Variants in PRKG1 observed in about 807,000 individuals in gnomAD.
The protein encoded by PRKG1 is cGMP-dependent protein kinase 1.
PRKG1 carries 35 observed loss-of-function variants against 88.1 expected under a neutral mutation model. That is an observed-to-expected ratio of 0.40 (90% CI 0.30 to 0.53). PRKG1 has a LOEUF of 0.53. Among genes scored for constraint, PRKG1 ranks in the 20% least tolerant of loss-of-function variants. The pLI is 0.59. For missense variants in PRKG1, 540 were observed against 839.8 expected (o/e 0.64, Z 4.41); for synonymous variants, 303 against 292.5 (o/e 1.04, Z -0.37).
At chr10:51,847,472 A>G (rs1840429174) in intron 4 of PRKG1, among the ~76,000 whole-genome samples, 2 of 152,098 alleles carry the variant, frequency 1.3e-5, no homozygotes, top group East Asian at 1.9e-4. Flanking sequence ...ATGACTTACT[A>G]AAATCTAAAA....
intron 3 of PRKG1, among the ~76,000 whole-genome samples, chr10:51,512,263 A>G (rs1259542256): frequency 6.9e-6 from 1 of 144,972 alleles, no homozygotes; most frequent in Non-Finnish European, 1.5e-5. Flanking sequence ...TTACATATGT[A>G]TACATGTGCC....
chr10:51,260,746 T>G (rs2132158597), intron 2 of PRKG1, among the ~76,000 whole-genome samples: 1 of 152,366 alleles, frequency 6.6e-6, no homozygotes, highest in South Asian at 2.1e-4. Flanking sequence ...GATGTGATTA[T>G]ACTTATCTGT....
At chr10:51,529,608 A>C (rs1191994107) in intron 3 of PRKG1, among the ~76,000 whole-genome samples, 3 of 152,082 alleles carry the variant, frequency 2.0e-5, no homozygotes, top group Non-Finnish European at 4.4e-5. Flanking sequence ...CATTCCACTT[A>C]GCACTCAGGT....
chr10:51,262,071 A>G (rs1396586633), intron 2 of PRKG1, among the ~76,000 whole-genome samples: 2 of 151,642 alleles, frequency 1.3e-5, no homozygotes, highest in Non-Finnish European at 2.9e-5. Flanking sequence ...TGTTTTTAGT[A>G]GAGACGGGGT....
intron 3 of PRKG1, among the ~76,000 whole-genome samples, chr10:51,503,156 C>G (rs1841082475): frequency 6.6e-6 from 1 of 152,130 alleles, no homozygotes; most frequent in South Asian, 2.1e-4. Context: ...CTGTAATATG[C>G]TCAGCACTTT....
intron 2 of PRKG1, among the ~76,000 whole-genome samples, chr10:51,213,839 A>G (rs143704430): frequency 6.6e-6 from 1 of 152,196 alleles, no homozygotes; most frequent in Non-Finnish European, 1.5e-5. Context: ...CTGAAAGAAT[A>G]TGTTACAGAA....
intron 9 of PRKG1, among the ~76,000 whole-genome samples, chr10:52,200,106 A>T (rs1023381497): frequency 6.6e-6 from 1 of 151,958 alleles, no homozygotes; most frequent in Non-Finnish European, 1.5e-5. Flanking sequence ...CAAGTTTGTT[A>T]TGTAGGTAAA....
chr10:52,288,879 ACAT>A (rs763958645), intron 15 of PRKG1, 31 bp downstream of exon 15: 2 of 1,592,496 alleles, frequency 1.3e-6, no homozygotes, highest in African/African-American at 2.7e-5. Flanking sequence ...ATTTTTGAAA[ACAT>A]CATAATGTGA....
chr10:51,493,486 A>G (rs1840764003), intron 3 of PRKG1, among the ~76,000 whole-genome samples: 2 of 152,150 alleles, frequency 1.3e-5, no homozygotes, highest in African/African-American at 4.8e-5. Context: ...TTGCCAGAAA[A>G]TATTTTTTAG....
intron 1 of PRKG1, among the ~76,000 whole-genome samples, chr10:51,024,215 A>G (rs755133286): frequency 3.3e-5 from 5 of 152,132 alleles, no homozygotes; most frequent in Non-Finnish European, 5.9e-5. Context: ...TACTTACAAT[A>G]ATTTCTGTTT....
intron 8 of PRKG1, among the ~76,000 whole-genome samples, chr10:52,153,412 A>G (rs1435557824): frequency 6.6e-6 from 1 of 152,236 alleles, no homozygotes; most frequent in African/African-American, 2.4e-5. Context: ...ATACTTGTCT[A>G]CCATCATAAC....
intron 5 of PRKG1, among the ~76,000 whole-genome samples, chr10:51,955,637 A>G (rs1843285530): frequency 6.6e-6 from 1 of 152,126 alleles, no homozygotes; most frequent in Non-Finnish European, 1.5e-5. Context: ...TAGATTTAAA[A>G]ATGTCTTTAT....
intron 5 of PRKG1, among the ~76,000 whole-genome samples, chr10:51,980,905 A>G (rs1843991204): frequency 6.6e-6 from 1 of 152,188 alleles, no homozygotes; most frequent in African/African-American, 2.4e-5. Context: ...TCTTGAAGAC[A>G]GCATACCAAT....
intron 3 of PRKG1, among the ~76,000 whole-genome samples, chr10:51,489,822 T>C (rs1840658976): frequency 6.6e-6 from 1 of 152,106 alleles, no homozygotes; most frequent in African/African-American, 2.4e-5. Flanking sequence ...GGACATGAAC[T>C]GAAGAGCTGT....
At chr10:51,266,354 A>G (rs560565160) in intron 2 of PRKG1, among the ~76,000 whole-genome samples, 3 of 152,320 alleles carry the variant, frequency 2.0e-5, no homozygotes, top group South Asian at 2.1e-4. Flanking sequence ...AAAAAAGGCT[A>G]GGTAAGTAGC....
intron 1 of PRKG1, among the ~76,000 whole-genome samples, chr10:51,149,362 A>G (rs1343379282): frequency 6.6e-6 from 1 of 152,152 alleles, no homozygotes; most frequent in East Asian, 1.9e-4. Flanking sequence ...AACAGTGAAT[A>G]GTGCTGGCTC....
chr10:51,094,647 C>T (rs1280571985), intron 1 of PRKG1, among the ~76,000 whole-genome samples: 2 of 151,806 alleles, frequency 1.3e-5, no homozygotes, highest in African/African-American at 4.8e-5. Context: ...CATAAAAAAA[C>T]GTATCTACAT....
At chr10:51,948,174 C>A (rs1009763474) in intron 5 of PRKG1, among the ~76,000 whole-genome samples, 1 of 151,832 alleles carries the variant, frequency 6.6e-6, no homozygotes, top group South Asian at 2.1e-4. Flanking sequence ...GCTAGTTCAC[C>A]ATGATTCAAA....
chr10:51,319,876 A>C (rs897424360), intron 2 of PRKG1: 2 of 157,786 alleles, frequency 1.3e-5, no homozygotes, highest in Admixed American at 6.5e-5. Flanking sequence ...AAGTTTGTGG[A>C]GAGCCAGGAA....
Sources: gnomAD v4.1 joint callset for allele counts (sites outside exome capture counted in the v4.1 genomes callset) on GRCh38, gnomAD v4.1.1 for gene constraint, MANE v1.5 for transcripts, NCBI Gene and HGNC (gene_info 2026-07-23, HGNC 2026-07-21) for gene names.